Variants in BCKDHA observed in about 807,000 individuals in gnomAD.
BCKDHA encodes 2-oxoisovalerate dehydrogenase subunit alpha, mitochondrial.
BCKDHA carries 43 observed loss-of-function variants against 52.2 expected under a neutral mutation model. The observed-to-expected ratio is 0.82, with a 90% confidence interval of 0.64 to 1.06. BCKDHA has a LOEUF of 1.06. Among genes scored for constraint, BCKDHA ranks in the 50% least tolerant of loss-of-function variants. BCKDHA has a pLI of 0.00. For synonymous variants in BCKDHA, 234 were observed against 247.9 expected (o/e 0.94, Z 0.53); for missense variants, 527 against 621.3 (o/e 0.85, Z 1.61).
chr19:41,403,583 A>G (rs920041841), intron 1 of BCKDHA, among the ~76,000 whole-genome samples: 2 of 152,148 alleles, frequency 1.3e-5, no homozygotes, highest in African/African-American at 4.8e-5. Flanking sequence ...TTTCCCTAGG[A>G]CTGAAGTGTT....
At chr19:41,408,377 G>A (rs1045717298) in intron 1 of BCKDHA, among the ~76,000 whole-genome samples, 6 of 151,690 alleles carry the variant, frequency 4.0e-5, no homozygotes, top group African/African-American at 1.2e-4. Flanking sequence ...CAAATTCCCC[G>A]AGGAGTTAGT....
chr19:41,416,020 T>C (rs1320082167), intron 4 of BCKDHA, among the ~76,000 whole-genome samples: 2 of 151,000 alleles, frequency 1.3e-5, no homozygotes, highest in African/African-American at 4.9e-5. Context: ...CTTGGCTCAT[T>C]GCAACTTCTG....
intron 1 of BCKDHA, among the ~76,000 whole-genome samples, chr19:41,409,832 C>G (rs2039232621): frequency 8.0e-6 from 1 of 125,594 alleles, no homozygotes; most frequent in Admixed American, 9.7e-5. Context: ...GAGATGGAGT[C>G]TCACTGTCAC....
At chr19:41,416,590 C>T (rs574167993) in intron 4 of BCKDHA, among the ~76,000 whole-genome samples, 8 of 152,284 alleles carry the variant, frequency 5.3e-5, no homozygotes, top group African/African-American at 1.7e-4. Flanking sequence ...AGTGGTGGCA[C>T]TGGCAGGGAG....
At chr19:41,408,130 A>AT (rs1161337858) in intron 1 of BCKDHA, among the ~76,000 whole-genome samples, 1 of 151,348 alleles carries the variant, frequency 6.6e-6, no homozygotes, top group Non-Finnish European at 1.5e-5. Flanking sequence ...TAATGTTTGT[A>AT]TTTTTTTGTG....
chr19:41,406,880 A>T (rs1210514434), intron 1 of BCKDHA, among the ~76,000 whole-genome samples: 1 of 152,056 alleles, frequency 6.6e-6, no homozygotes, highest in Non-Finnish European at 1.5e-5. Flanking sequence ...TTCCTGGCTA[A>T]TTTAAAAATT....
In BCKDHA at chr19:41,397,947, G is replaced by A. The variant is rs780834493; in HGVS notation, c.108+12G>A. 3.5e-5 allele frequency: 57 copies of A among 1,611,164 alleles called. 1 individual carries two copies. In the South Asian group the frequency reaches 6.0e-4, roughly 17 times the overall value. ...GACTGGCTAGATCTGTGAGTACCTGGGCCCCAGGCGGTTTTCCCAAAGGGG... is the reference window on the plus strand; with the variant it reads ...GACTGGCTAGATCTGTGAGTACCTGAGCCCCAGGCGGTTTTCCCAAAGGGG... On this transcript the variant is annotated intron_variant, in intron 1 of 8. Transcript: ENST00000269980.
rs754284552 is a variant in BCKDHA, at chr19:41,422,970, T to C, written c.996-28T>C. The C allele has an allele frequency of 3.1e-6, 5 of 1,601,722 alleles. No individual in the cohort carries two copies. In the South Asian group the frequency reaches 5.6e-5, roughly 18 times the overall value. On this transcript the variant is annotated intron_variant, in intron 7 of 8. Coordinates refer to ENST00000269980, the MANE Select transcript of BCKDHA (RefSeq NM_000709.4). ...GACCCCCACTCCAGGGAGCCCACAC[T>C]GACCTGGGGCCCCTTGCCCCTGTGC...
chr19:41,408,096 C>T (rs2039212762), intron 1 of BCKDHA, among the ~76,000 whole-genome samples: 2 of 151,828 alleles, frequency 1.3e-5, no homozygotes, highest in South Asian at 4.2e-4. Context: ...GCTGGGACCA[C>T]AGGCATGTGT....
At chr19:41,407,511 G>A (rs2039206177) in intron 1 of BCKDHA, among the ~76,000 whole-genome samples, 1 of 152,114 alleles carries the variant, frequency 6.6e-6, no homozygotes, top group East Asian at 1.9e-4. Context: ...TGGCTATGCT[G>A]GGTACTCAGA....
chr19:41,423,292 C>G, intron 8 of BCKDHA, 123 bp downstream of exon 8: 1 of 1,447,328 alleles, frequency 6.9e-7, no homozygotes, highest in Admixed American at 2.5e-5. Flanking sequence ...TCAGATGTGG[C>G]CTGTGGAGCC....
At chr19:41,423,217 G>A in intron 8 of BCKDHA, 48 bp downstream of exon 8, 2 of 1,546,352 alleles carry the variant, frequency 1.3e-6, no homozygotes, top group Non-Finnish European at 1.7e-6. Flanking sequence ...GCTGCGGCCT[G>A]CAGAGCTTGG....
Position 41,422,678 on chromosome 19 carries a change from T to C in BCKDHA, c.903T>C (p.Asn301=). The C allele has an allele frequency of 2.5e-6, 4 of 1,614,108 alleles. No individual in the cohort carries two copies. The highest frequency in any genetic ancestry group is 3.4e-6 in the Non-Finnish European group (4 of 1,180,018). Residue 301 remains asparagine, a synonymous_variant, in exon 7 of 9, where the codon AAT becomes AAC. Coordinates refer to ENST00000269980, the MANE Select transcript of BCKDHA (RefSeq NM_000709.4). ...TCATGTCAATCCGCGTGGATGGTAA[T>C]GATGTGTTTGCCGTATACAACGCCA... ...YGIMSIRVDG[N]DVFAVYNATK...
intron 1 of BCKDHA, among the ~76,000 whole-genome samples, chr19:41,404,360 G>A (rs2039170296): frequency 6.6e-6 from 1 of 151,862 alleles, no homozygotes; most frequent in African/African-American, 2.4e-5. Context: ...CACAATCTCG[G>A]CTCACTGCAA....
intron 5 of BCKDHA, 85 bp downstream of exon 5, chr19:41,419,381 G>A: frequency 6.6e-7 from 1 of 1,510,700 alleles, no homozygotes; most frequent in Non-Finnish European, 9.0e-7. Flanking sequence ...CCTGCCTTCT[G>A]GGTGGAATTC....
chr19:41,420,381 A>G (rs1224661410), intron 5 of BCKDHA, among the ~76,000 whole-genome samples: 5 of 151,590 alleles, frequency 3.3e-5, no homozygotes, highest in Non-Finnish European at 7.4e-5. Flanking sequence ...CAGCAAGTGA[A>G]TGGGAAAAAA....
chr19:41,413,917 C>G, intron 3 of BCKDHA, 132 bp from the exon 4 acceptor site: 1 of 787,388 alleles, frequency 1.3e-6, no homozygotes, highest in Non-Finnish European at 2.2e-6. Flanking sequence ...CCCAGCATGG[C>G]CTGGCCCAGG....
chr19:41,408,896 C>T (rs937264314), intron 1 of BCKDHA, among the ~76,000 whole-genome samples: 1 of 152,046 alleles, frequency 6.6e-6, no homozygotes, highest in Non-Finnish European at 1.5e-5. Context: ...ATATGAGCCA[C>T]CTTGCCAGGC....
In BCKDHA at chr19:41,422,703, A is replaced by C; in HGVS notation, c.928A>C (p.Thr310Pro). The C allele has an allele frequency of 6.2e-7, 1 of 1,614,150 alleles. No homozygotes were observed. The highest frequency in any genetic ancestry group is 2.2e-5 in the East Asian group (1 of 44,878). The part of the protein sequence containing the change: ...GNDVFAVYNA[T>P]KEARRRAVAE... The stretch of plus-strand genomic sequence containing the variant: ...TGATGTGTTTGCCGTATACAACGCC[A>C]CAAAGGAGGCCCGACGGCGGGCTGT... Residue 310 changes from threonine (T) to proline (P), a missense_variant, in exon 7 of 9, where the codon ACA (threonine) becomes CCA (proline). Thr to Pro is a conservative substitution (Grantham distance 38, BLOSUM62 -1). Transcript: ENST00000269980.
Sources: allele counts gnomAD v4.1 joint callset (sites outside exome capture counted in the v4.1 genomes callset), GRCh38; gene constraint gnomAD v4.1.1; transcripts MANE v1.5; gene names NCBI Gene and HGNC (gene_info 2026-07-23, HGNC 2026-07-21).